Variants in ZDHHC14 observed in about 807,000 individuals in gnomAD.
ZDHHC14 encodes zDHHC palmitoyltransferase 14, also known as palmitoyltransferase ZDHHC14.
Under a neutral mutation model 47.7 loss-of-function variants are expected in ZDHHC14, and 16 were observed. That is an observed-to-expected ratio of 0.34 (90% confidence interval 0.23 to 0.51). ZDHHC14 has a LOEUF of 0.51. Among genes scored for constraint, ZDHHC14 ranks in the 20% least tolerant of loss-of-function variants. The pLI, the probability that ZDHHC14 is intolerant of heterozygous loss-of-function variation, is 0.97. For missense variants in ZDHHC14, 515 were observed against 662.5 expected, an observed-to-expected ratio of 0.78 and a Z score of 2.44; for synonymous variants, 293 against 278.9, an observed-to-expected ratio of 1.05 and a Z score of -0.50.
At chr6:157,611,800 T>A (rs1375801029) in intron 3 of ZDHHC14, among the ~76,000 whole-genome samples, 1 of 152,212 alleles carries the variant, frequency 6.6e-6, no homozygotes, top group Non-Finnish European at 1.5e-5. Flanking sequence ...TCCCTGTTTG[T>A]GCATCTTTTT....
chr6:157,601,423 C>T (rs1784332150), intron 3 of ZDHHC14, among the ~76,000 whole-genome samples: 1 of 152,090 alleles, frequency 6.6e-6, no homozygotes, highest in Non-Finnish European at 1.5e-5. Context: ...TTGTAGCTGA[C>T]AAGAGCAATA....
At chr6:157,515,684 C>A (rs2114757330) in intron 1 of ZDHHC14, among the ~76,000 whole-genome samples, 1 of 151,992 alleles carries the variant, frequency 6.6e-6, no homozygotes, top group South Asian at 2.1e-4. Context: ...CCTGGATGGT[C>A]TCGATCTCCT....
chr6:157,484,123 T>A (rs1239461538), intron 1 of ZDHHC14, among the ~76,000 whole-genome samples: 1 of 150,822 alleles, frequency 6.6e-6, no homozygotes, highest in Non-Finnish European at 1.5e-5. Flanking sequence ...AGGGGAACAA[T>A]AGACACTGGG....
At chr6:157,437,824 A>G (rs1045442999) in intron 1 of ZDHHC14, among the ~76,000 whole-genome samples, 88 of 152,182 alleles carry the variant, frequency 5.8e-4, no homozygotes, top group African/African-American at 2.0e-3. Context: ...TTAGGTGATT[A>G]TATAGGTCAG....
intron 1 of ZDHHC14, among the ~76,000 whole-genome samples, chr6:157,395,193 C>T (rs922157422): frequency 1.3e-5 from 2 of 151,502 alleles, no homozygotes; most frequent in East Asian, 1.9e-4. Context: ...TAAGGTCTTG[C>T]TCTGTCACCC....
intron 8 of ZDHHC14, among the ~76,000 whole-genome samples, chr6:157,658,466 G>A (rs1351632852): frequency 3.3e-5 from 5 of 152,104 alleles, no homozygotes; most frequent in South Asian, 2.1e-4. Flanking sequence ...GGTAAACACC[G>A]TGACTCTCAG....
chr6:157,548,509 C>T (rs758201444), intron 2 of ZDHHC14, among the ~76,000 whole-genome samples: 66 of 152,124 alleles, frequency 4.3e-4, no homozygotes, highest in African/African-American at 1.6e-3. Context: ...TGCAATGGCG[C>T]GATCTCAGCT....
chr6:157,547,342 C>T (rs1782015862), intron 2 of ZDHHC14, among the ~76,000 whole-genome samples: 1 of 152,064 alleles, frequency 6.6e-6, no homozygotes, highest in South Asian at 2.1e-4. Flanking sequence ...CTAAATTAAT[C>T]CTTGAAAGAG....
At chr6:157,524,019 G>T (rs1413821167) in intron 1 of ZDHHC14, among the ~76,000 whole-genome samples, 1 of 152,210 alleles carries the variant, frequency 6.6e-6, no homozygotes, top group East Asian at 1.9e-4. Flanking sequence ...CTAACACAGG[G>T]TTACAGAAAT....
At chr6:157,544,363 T>G (rs1389276469) in intron 2 of ZDHHC14, among the ~76,000 whole-genome samples, 1 of 152,116 alleles carries the variant, frequency 6.6e-6, no homozygotes, top group Non-Finnish European at 1.5e-5. Flanking sequence ...ACAAAGTGGA[T>G]GAGGCAGGGC....
At chr6:157,510,092 A>C (rs1051210525) in intron 1 of ZDHHC14, among the ~76,000 whole-genome samples, 4 of 152,082 alleles carry the variant, frequency 2.6e-5, no homozygotes, top group Non-Finnish European at 5.9e-5. Flanking sequence ...TAAAAATACA[A>C]ACATTAGTGG....
chr6:157,441,874 A>G (rs183233745), intron 1 of ZDHHC14, among the ~76,000 whole-genome samples: 1 of 152,200 alleles, frequency 6.6e-6, no homozygotes, highest in Admixed American at 6.5e-5. Flanking sequence ...TCCTTAGTCC[A>G]TGTGTGTATG....
intron 8 of ZDHHC14, among the ~76,000 whole-genome samples, chr6:157,664,197 T>G (rs940714877): frequency 7.3e-4 from 111 of 152,356 alleles, no homozygotes; most frequent in African/African-American, 2.5e-3. Flanking sequence ...GATAATTTCT[T>G]TGGATCTCTC....
rs1782586471 is a variant in ZDHHC14 at position 157,558,837 on chromosome 6, AGATTCCTCT to A, written c.406+16093_406+16101del. ...ACAAAGTTCAAGTAATGTAGATCAG[AGATTCCTCT>A]TCCCTGCTGTAGGAACTTTCTAGGG... On this transcript the variant is annotated intron_variant, in intron 2 of 8. Coordinates refer to ENST00000359775, the MANE Select transcript of ZDHHC14 (RefSeq NM_024630.3). 2.0e-5 allele frequency among the ~76,000 whole-genome samples: 3 copies of A among 152,098 alleles called. No homozygotes were observed. In the South Asian group the frequency reaches 6.2e-4, roughly 32 times the overall value.
chr6:157,604,228 A>G (rs1784443133), intron 3 of ZDHHC14, among the ~76,000 whole-genome samples: 1 of 151,748 alleles, frequency 6.6e-6, no homozygotes, highest in African/African-American at 2.4e-5. Context: ...TTGAGGCTAC[A>G]GTGAACCTTG....
intron 1 of ZDHHC14, among the ~76,000 whole-genome samples, chr6:157,484,326 TAC>T (rs201666379): frequency 0.15 from 20,906 of 142,700 alleles, 1,742 homozygotes; most frequent in Middle Eastern, 0.21. Flanking sequence ...CACATATATA[TAC>T]GTATATATAC....
At chr6:157,501,013 T>C (rs1478537666) in intron 1 of ZDHHC14, among the ~76,000 whole-genome samples, 1 of 152,212 alleles carries the variant, frequency 6.6e-6, no homozygotes, top group African/African-American at 2.4e-5. Context: ...ATTGGAAAGA[T>C]TGGATTTGTT....
At chr6:157,591,013 C>T (rs1452642613) in intron 2 of ZDHHC14, among the ~76,000 whole-genome samples, 1 of 152,248 alleles carries the variant, frequency 6.6e-6, no homozygotes, top group East Asian at 1.9e-4. Context: ...TGCATGGGGC[C>T]TGTAGCCCAT....
intron 1 of ZDHHC14, among the ~76,000 whole-genome samples, chr6:157,493,371 G>A (rs1009524280): frequency 4.6e-5 from 7 of 152,372 alleles, no homozygotes; most frequent in African/African-American, 9.6e-5. Context: ...GGCTCCAGGC[G>A]GAGAGGGGAA....
Sources: allele counts gnomAD v4.1 joint callset (sites outside exome capture counted in the v4.1 genomes callset), GRCh38; gene constraint gnomAD v4.1.1; transcripts MANE v1.5; gene names NCBI Gene and HGNC (gene_info 2026-07-23, HGNC 2026-07-21).